The following ATRX variants were observed in gnomAD, a reference collection of about 807,000 sequenced individuals.
ATRX encodes the protein ATRX chromatin remodeler.
In ATRX, 12 loss-of-function variants were observed where a neutral mutation model predicts 172.6. That is an observed-to-expected ratio of 0.07 (90% confidence interval 0.04 to 0.11). The LOEUF is 0.11. ATRX is among the 10% of genes least tolerant of loss of function. The pLI, the probability that ATRX is intolerant of heterozygous loss-of-function variation, is 1.00. For missense variants in ATRX, 1,368 were observed against 1,767.4 expected (o/e 0.77, Z 4.05); for synonymous variants, 674 against 594.7 (o/e 1.13, Z -1.94).
At position 77,523,162 on chromosome X, in the gene ATRX, T is replaced by A. The variant is rs1301017343; in HGVS notation, c.6849+90A>T. On this transcript the variant is annotated intron_variant, in intron 31 of 34. Coordinates refer to ENST00000373344, the MANE Select transcript of ATRX (RefSeq NM_000489.6). ...GTTCCTAAAACCCACTATATTATTA[T>A]TACCTGTTTCAAATGTGACCCTTTT... is the stretch of plus-strand genomic sequence containing the variant. The A allele has an allele frequency of 6.0e-5, 64 of 1,061,193 alleles. No homozygotes were observed. The African/African-American group carries it at 1.1e-3, about 19-fold the overall frequency. 87.5% of individuals were successfully genotyped at this position (1,061,193 alleles called of 1,213,427 possible).
intron 1 of ATRX, among the ~76,000 whole-genome samples, chrX:77,777,449 C>T (rs2076399181): frequency 9.0e-6 from 1 of 110,683 alleles, no homozygotes; most frequent in Admixed American, 9.7e-5. Context: ...AAAAAACAGG[C>T]CACTGGTTGG....
chrX:77,715,728 ACTT>A (rs1686910472), intron 2 of ATRX, among the ~76,000 whole-genome samples: 1 of 111,196 alleles, frequency 9.0e-6, no homozygotes, highest in East Asian at 2.8e-4. Flanking sequence ...GGTTCACAAA[ACTT>A]CTTGAATCTC....
intron 15 of ATRX, among the ~76,000 whole-genome samples, chrX:77,648,661 T>A (rs2069046272): frequency 9.3e-6 from 1 of 107,159 alleles, no homozygotes; most frequent in Non-Finnish European, 1.9e-5. Flanking sequence ...ATTGTGAACT[T>A]TTTGCACAGA....
intron 1 of ATRX, among the ~76,000 whole-genome samples, chrX:77,738,354 A>AAAT (rs1204867956): frequency 3.8e-5 from 4 of 106,430 alleles, no homozygotes; most frequent in East Asian, 2.9e-4. Flanking sequence ...AAAAAACAAT[A>AAAT]AATAATAATA....
intron 2 of ATRX, among the ~76,000 whole-genome samples, chrX:77,713,865 A>G (rs2073232705): frequency 8.9e-6 from 1 of 111,791 alleles, no homozygotes; most frequent in East Asian, 2.8e-4. Context: ...AGAAATTATC[A>G]ATGTGATGAC....
At chrX:77,538,212 T>C (rs1225098707) in intron 30 of ATRX, among the ~76,000 whole-genome samples, 1 of 98,735 alleles carries the variant, frequency 1.0e-5, no homozygotes, top group Non-Finnish European at 2.0e-5. Flanking sequence ...AAAAAGGAAA[T>C]GTGTGTATAC....
At chrX:77,598,417 T>A (rs2066547073) in intron 25 of ATRX, among the ~76,000 whole-genome samples, 1 of 111,261 alleles carries the variant, frequency 9.0e-6, no homozygotes, top group South Asian at 3.8e-4. Context: ...AACTAGCATA[T>A]GTACCCCCGA....
Position 77,630,186 on chromosome X carries a change from T to C in ATRX, c.5134+3021A>G, listed in dbSNP as rs908670018. 2.7e-5 allele frequency among the ~76,000 whole-genome samples: 3 copies of C among 111,820 alleles called. No homozygotes were observed. In the East Asian group the frequency reaches 8.3e-4, roughly 31 times the overall value. On this transcript the variant is annotated intron_variant, in intron 19 of 34. Transcript: ENST00000373344. ...AATTTAAGAAAATAAGTCCAAGACT[T>C]TTACACTAAAGAAATTAAAGGACCT...
intron 1 of ATRX, among the ~76,000 whole-genome samples, chrX:77,726,829 A>T (rs1319565347): frequency 1.0e-5 from 1 of 96,570 alleles, no homozygotes; most frequent in East Asian, 3.0e-4. Context: ...AATGTCACTT[A>T]AAAAAAAAAA....
Position 77,560,821 on chromosome X carries a change from A to T in ATRX, c.6327-1975T>A, listed in dbSNP as rs782466861. Reference sequence around the variant, plus strand: ...CCACACATCTATGAATACAGACTATAGAAATTATCACAAAAGTTGACCAAT... The same window carrying T: ...CCACACATCTATGAATACAGACTATTGAAATTATCACAAAAGTTGACCAAT... On this transcript the variant is annotated intron_variant, in intron 28 of 34. Transcript: ENST00000373344. Among the ~76,000 whole-genome samples, 9 of 111,756 alleles carry T rather than the reference A, an allele frequency of 8.1e-5. No homozygotes were observed. The South Asian group carries it at 3.4e-3, about 42-fold the overall frequency.
chrX:77,600,330 G>C (rs2066629173), intron 23 of ATRX, 104 bp downstream of exon 23: 2 of 956,637 alleles, frequency 2.1e-6, no homozygotes, highest in African/African-American at 3.8e-5. Context: ...ACATAGAATA[G>C]AACAAAGCAA....
rs2147650660 is a variant in ATRX, at chrX:77,508,532, A to G, written c.7298T>C (p.Leu2433Pro). The change falls in exon 35 of 35, where the codon CTG becomes CCG. Residue 2433 changes from leucine to proline, a missense_variant. Leu to Pro is a moderately conservative substitution (Grantham distance 98). Around this residue, in one of 17 missense-constraint regions of ATRX, gnomAD observed 100 missense variants for 153.9 expected, o/e 0.65. Coordinates refer to ENST00000373344, the MANE Select transcript of ATRX (RefSeq NM_000489.6). ...QQQMTYQQAT[L>P]GHLMMPKPPN... The stretch of plus-strand genomic sequence containing the variant: ...GGGCTTTGGCATCATGAGGTGACCC[A>G]GTGTTGCTTGTTGATAAGTCATTTG... The G allele has an allele frequency of 1.7e-6, 2 of 1,211,785 alleles. No homozygotes were observed. Among genetic ancestry groups the G allele is most frequent in the Non-Finnish European group, 2.2e-6 (2 of 895,544 alleles).
chrX:77,785,970 G>A lies in ATRX; in HGVS notation c.20+12C>T, dbSNP rs782697304. 57 of 1,189,681 alleles carry A rather than the reference G, an allele frequency of 4.8e-5. No homozygotes were observed. Among genetic ancestry groups the A allele is most frequent in the South Asian group, 3.0e-4 (16 of 54,041 alleles). On this transcript the variant is annotated intron_variant, in intron 1 of 34. Transcript: ENST00000373344. Reference sequence around the variant, plus strand: ...AGACCGCTGGGGCCCATGAGACGGGGTTGCGTTTTACCTCATGGGCTCAGC... The same window carrying A: ...AGACCGCTGGGGCCCATGAGACGGGATTGCGTTTTACCTCATGGGCTCAGC...
Position 77,514,658 on chromosome X carries a change from G to A in ATRX, c.7201-6029C>T, listed in dbSNP as rs781976623. Among the ~76,000 whole-genome samples, 273 of 111,903 alleles carry A rather than the reference G, an allele frequency of 2.4e-3. 2 individuals are homozygous for A. The highest frequency in any genetic ancestry group is 4.6e-3 in the Non-Finnish European group (242 of 53,152). ...TAAACCCGAAAACTATAAAAACCCT[G>A]GAAGACAACCTAAGCAATATAATTC... On this transcript the variant is annotated intron_variant, in intron 34 of 34. Transcript: ENST00000373344.
chrX:77,519,177 G>T (rs2063146937), intron 34 of ATRX, among the ~76,000 whole-genome samples: 1 of 111,336 alleles, frequency 9.0e-6, no homozygotes, highest in Admixed American at 9.6e-5. Context: ...AAAAGCTTCT[G>T]CACAGCAAAG....
intron 26 of ATRX, among the ~76,000 whole-genome samples, chrX:77,592,413 CAAAA>C (rs111685679): frequency 9.9e-5 from 3 of 30,407 alleles, no homozygotes; most frequent in Admixed American, 4.1e-4. Context: ...AACTCCGTCT[CAAAA>C]AAAAAAAAAA....
intron 30 of ATRX, among the ~76,000 whole-genome samples, chrX:77,543,070 A>C (rs1227987318): frequency 8.9e-6 from 1 of 112,024 alleles, no homozygotes; most frequent in African/African-American, 3.2e-5. Context: ...TCATCTGACA[A>C]AGGGCTAATA....
At chrX:77,748,378 T>C (rs1557186027) in intron 1 of ATRX, among the ~76,000 whole-genome samples, 1 of 110,570 alleles carries the variant, frequency 9.0e-6, no homozygotes, top group African/African-American at 3.3e-5. Flanking sequence ...GTAGCAGTGA[T>C]TGGGCTGGGG....
At chrX:77,663,702 A>T in intron 11 of ATRX, 144 bp from the exon 12 acceptor site, 1 of 477,852 alleles carries the variant, frequency 2.1e-6, no homozygotes, top group South Asian at 3.2e-5. Context: ...TTATCAGGTA[A>T]TCTCACACAT....
Sources: gnomAD v4.1 joint callset for allele counts (sites outside exome capture counted in the v4.1 genomes callset) on GRCh38, gnomAD v4.1.1 for gene constraint, gnomAD v4.1.1 regional missense constraint, MANE v1.5 for transcripts, NCBI Gene and HGNC (gene_info 2026-07-23, HGNC 2026-07-21) for gene names.